Variants in TBC1D32 observed in about 807,000 individuals in gnomAD.
The protein encoded by TBC1D32 is protein broad-minded.
Under a neutral mutation model 170.3 loss-of-function variants are expected in TBC1D32, and 151 were observed. The ratio of observed to expected loss-of-function variants is 0.89; its 90% CI spans 0.78 to 1.01. The LOEUF is 1.01. TBC1D32 is among the 50% of genes least tolerant of loss of function. TBC1D32 has a pLI of 0.00. For missense variants in TBC1D32, 1,464 were observed against 1,457.1 expected (o/e 1.00, Z -0.08); for synonymous variants, 498 against 488.0 (o/e 1.02, Z -0.27).
At chr6:121,189,770 T>C (rs948403909) in intron 22 of TBC1D32, among the ~76,000 whole-genome samples, 12 of 152,012 alleles carry the variant, frequency 7.9e-5, no homozygotes, top group East Asian at 1.9e-4. Flanking sequence ...AAGATATACA[T>C]ATACCAGCTC....
At chr6:121,281,102 T>C (rs1044368044) in intron 14 of TBC1D32, among the ~76,000 whole-genome samples, 9 of 151,944 alleles carry the variant, frequency 5.9e-5, no homozygotes, top group Admixed American at 4.6e-4. Flanking sequence ...TCTGTTCAAA[T>C]TGGAATTCTA....
chr6:121,321,515 T>C, intron 2 of TBC1D32, 118 bp downstream of exon 2: 6 of 987,846 alleles, frequency 6.1e-6, no homozygotes, highest in Non-Finnish European at 5.9e-6. Flanking sequence ...ACTCATTGTT[T>C]TAAAGAATCA....
At chr6:121,227,791 TTA>T (rs1381330722) in intron 20 of TBC1D32, among the ~76,000 whole-genome samples, 4 of 152,130 alleles carry the variant, frequency 2.6e-5, no homozygotes, top group Non-Finnish European at 5.9e-5. Flanking sequence ...GGTGATGTTT[TTA>T]TATCAGTGTT....
chr6:121,083,376 G>T, intron 31 of TBC1D32, among the ~76,000 whole-genome samples: 1 of 151,966 alleles, frequency 6.6e-6, no homozygotes, highest in Non-Finnish European at 1.5e-5. Flanking sequence ...TTCGTTTGTT[G>T]TATCTAATGC....
chr6:121,278,906 T>C (rs964208217), intron 15 of TBC1D32, among the ~76,000 whole-genome samples: 2 of 151,988 alleles, frequency 1.3e-5, no homozygotes, highest in African/African-American at 2.4e-5. Flanking sequence ...TAAGTGAAAA[T>C]ACAAGGGAGC....
chr6:121,109,847 T>A (rs1779036088), intron 29 of TBC1D32, among the ~76,000 whole-genome samples: 1 of 152,184 alleles, frequency 6.6e-6, no homozygotes, highest in South Asian at 2.1e-4. Flanking sequence ...AGCTTATTTT[T>A]TTTTAAACCT....
At chr6:121,087,536 A>C (rs1776379154) in intron 31 of TBC1D32, among the ~76,000 whole-genome samples, 1 of 152,222 alleles carries the variant, frequency 6.6e-6, no homozygotes, top group African/African-American at 2.4e-5. Context: ...TTTTATCTCA[A>C]TACATGAAAT....
intron 22 of TBC1D32, among the ~76,000 whole-genome samples, chr6:121,198,479 C>A (rs954469840): frequency 2.0e-5 from 3 of 150,358 alleles, no homozygotes; most frequent in African/African-American, 7.5e-5. Flanking sequence ...CGGCCTGGCA[C>A]GGTGGCTCAT....
intron 3 of TBC1D32, among the ~76,000 whole-genome samples, chr6:121,316,867 G>A (rs1464737343): frequency 1.3e-5 from 2 of 152,098 alleles, no homozygotes; most frequent in Admixed American, 6.5e-5. Context: ...GGGTCAGACA[G>A]GCTTCTTTTG....
In TBC1D32 at chr6:121,327,008, G is replaced by A. The variant is rs892353566; in HGVS notation, c.156-5214C>T. On this transcript the variant is annotated intron_variant, in intron 1 of 31. Coordinates refer to ENST00000398212, the MANE Select transcript of TBC1D32 (RefSeq NM_152730.6). ...ATTTTATGTTGTTTCTTTTACCATC[G>A]GAATTCATGGCAACACCCCATAAAA... Among the ~76,000 whole-genome samples the A allele has an allele frequency of 5.9e-5, 9 of 152,026 alleles. No homozygotes were observed. In the South Asian group the frequency reaches 8.3e-4, roughly 14 times the overall value.
chr6:121,267,206 G>A (rs149868504), intron 15 of TBC1D32, among the ~76,000 whole-genome samples: 7 of 151,660 alleles, frequency 4.6e-5, no homozygotes, highest in African/African-American at 9.7e-5. Flanking sequence ...CAGCGTGAGC[G>A]ACGCAGAAGA....
intron 10 of TBC1D32, among the ~76,000 whole-genome samples, chr6:121,296,287 A>C (rs1805628907): frequency 6.6e-6 from 1 of 152,120 alleles, no homozygotes; most frequent in Admixed American, 6.6e-5. Flanking sequence ...ATGACAGCTG[A>C]GAGCATAACT....
At chr6:121,141,491 G>A (rs936274993) in intron 24 of TBC1D32, among the ~76,000 whole-genome samples, 10 of 152,260 alleles carry the variant, frequency 6.6e-5, no homozygotes, top group Admixed American at 6.5e-4. Flanking sequence ...AATGGGCAAA[G>A]TGATGGAACA....
intron 22 of TBC1D32, among the ~76,000 whole-genome samples, chr6:121,162,124 T>A (rs1044294371): frequency 1.1e-4 from 17 of 152,196 alleles, no homozygotes; most frequent in African/African-American, 4.1e-4. Context: ...TTGCAAAAAG[T>A]CTTCCCTATT....
chr6:121,082,128 C>T (rs894214327), intron 31 of TBC1D32, among the ~76,000 whole-genome samples: 4 of 151,970 alleles, frequency 2.6e-5, no homozygotes, highest in Non-Finnish European at 4.4e-5. Flanking sequence ...ACGTAAGGTT[C>T]TTGATTAGCA....
intron 24 of TBC1D32, among the ~76,000 whole-genome samples, chr6:121,137,589 G>A (rs761827288): frequency 5.3e-5 from 8 of 151,458 alleles, no homozygotes; most frequent in Non-Finnish European, 7.4e-5. Context: ...ATTGATAGTT[G>A]AAAATATTTC....
intron 17 of TBC1D32, among the ~76,000 whole-genome samples, chr6:121,249,214 T>C (rs1005759177): frequency 5.9e-5 from 9 of 151,416 alleles, no homozygotes; most frequent in African/African-American, 2.2e-4. Context: ...AAAATTATTA[T>C]TATTATTATT....
chr6:121,092,292 T>C (rs970472859), intron 30 of TBC1D32, among the ~76,000 whole-genome samples: 2 of 107,010 alleles, frequency 1.9e-5, no homozygotes, highest in African/African-American at 5.0e-5. Flanking sequence ...TTCAGTTTTA[T>C]GTTTTTTTTT....
chr6:121,254,779 A>T (rs1326378678), intron 17 of TBC1D32, among the ~76,000 whole-genome samples: 2 of 152,116 alleles, frequency 1.3e-5, no homozygotes. Context: ...CCAGAAAAAC[A>T]TGTTGCCCGA....
Sources: gnomAD v4.1 joint callset for allele counts (sites outside exome capture counted in the v4.1 genomes callset) on GRCh38, gnomAD v4.1.1 for gene constraint, MANE v1.5 for transcripts, NCBI Gene and HGNC (gene_info 2026-07-23, HGNC 2026-07-21) for gene names.